The following MID1 variants were observed in gnomAD, a reference collection of about 807,000 sequenced individuals.
MID1 encodes the protein midline 1.
Under a neutral mutation model 40.4 loss-of-function variants are expected in MID1, and 7 were observed. The ratio of observed to expected loss-of-function variants is 0.17; its 90% confidence interval spans 0.10 to 0.33. MID1 has a LOEUF of 0.33. MID1 is among the 10% of genes least tolerant of loss of function. The pLI is 1.00. For synonymous variants in MID1, 229 were observed against 221.2 expected (o/e 1.04, Z -0.31); for missense variants, 367 against 558.5 (o/e 0.66, Z 3.46).
chrX:10,586,069 T>C (rs557072240), intron 1 of MID1, among the ~76,000 whole-genome samples: 1 of 111,552 alleles, frequency 9.0e-6, no homozygotes, highest in Middle Eastern at 4.6e-3. Flanking sequence ...ATCAGGTTGG[T>C]CATTTCCCGG....
At chrX:10,566,712 T>C (rs1428282422) in intron 2 of MID1, among the ~76,000 whole-genome samples, 176 bp downstream of exon 2, 1 of 111,732 alleles carries the variant, frequency 8.9e-6, no homozygotes, top group African/African-American at 3.3e-5. Flanking sequence ...AGTCAACTTT[T>C]ACAAGATACC....
intron 1 of MID1, among the ~76,000 whole-genome samples, chrX:10,698,738 A>G (rs2043176882): frequency 1.8e-5 from 2 of 110,070 alleles, no homozygotes; most frequent in African/African-American, 6.6e-5. Context: ...AAAGAAAAAA[A>G]AAAAAAAAAC....
chrX:10,776,774 C>T (rs1451609779), intron 1 of MID1, among the ~76,000 whole-genome samples: 2 of 110,538 alleles, frequency 1.8e-5, no homozygotes, highest in African/African-American at 3.3e-5. Flanking sequence ...AATGCATGAC[C>T]CAGTTTCTAA....
At chrX:10,807,138 G>A (rs1442597899) in intron 1 of MID1, among the ~76,000 whole-genome samples, 2 of 110,136 alleles carry the variant, frequency 1.8e-5, no homozygotes, top group East Asian at 2.9e-4. Context: ...CCAGCTACTC[G>A]GGAGGCTGAG....
intron 1 of MID1, among the ~76,000 whole-genome samples, chrX:10,583,152 A>G (rs1418104826): frequency 8.9e-6 from 1 of 111,905 alleles, no homozygotes; most frequent in African/African-American, 3.2e-5. Flanking sequence ...TCTAGGCAGC[A>G]GCAAATTGGT....
intron 3 of MID1, among the ~76,000 whole-genome samples, chrX:10,518,148 G>C (rs746477259): frequency 8.9e-6 from 1 of 112,016 alleles, no homozygotes; most frequent in Admixed American, 9.5e-5. Flanking sequence ...ACAGTCTCTA[G>C]AACAGAAAGT....
chrX:10,465,164 G>A (rs1217183142), intron 7 of MID1, among the ~76,000 whole-genome samples: 2 of 91,559 alleles, frequency 2.2e-5, no homozygotes, highest in African/African-American at 8.2e-5. Flanking sequence ...AGCCTGGGCA[G>A]CAGAGCAAGA....
rs188917905 is a variant in MID1, at chrX:10,656,349, C to A, written c.-186-35930G>T. ...ACTACAAAAGAACCTTCTCCTCCCT[C>A]CTCTTCAATGCCCACACCTGTCAGG... On this transcript the variant is annotated intron_variant, in intron 1 of 10. Transcript: ENST00000380785. Among the ~76,000 whole-genome samples the A allele has an allele frequency of 8.0e-5, 9 of 112,185 alleles. No individual in the cohort carries two copies. The East Asian group carries it at 2.5e-3, about 32-fold the overall frequency.
At chrX:10,513,790 T>G (rs1373225574) in intron 3 of MID1, among the ~76,000 whole-genome samples, 1 of 112,517 alleles carries the variant, frequency 8.9e-6, no homozygotes, top group Non-Finnish European at 1.9e-5. Context: ...ATTACAGGCG[T>G]GAGCCACTGT....
At position 10,469,776 on chromosome X, in the gene MID1, A is replaced by G. The variant is rs139714651; in HGVS notation, c.1206T>C (p.His402=). Residue 402 remains histidine (H), a synonymous_variant, in exon 7 of 10, where the codon CAT becomes CAC. Transcript: ENST00000317552. Reference sequence around the variant, plus strand: ...CGCTGAACTCATCATCGGAGGTCCAATGCACAGTGATGGTGTCATATGAAG... The same window carrying G: ...CGCTGAACTCATCATCGGAGGTCCAGTGCACAGTGATGGTGTCATATGAAG... ...CTASYDTITV[H]WTSDDEFSVV... is the part of the protein sequence containing the mutation. 1.6e-5 allele frequency: 19 copies of G among 1,208,946 alleles called. No homozygotes were observed. The highest frequency in any genetic ancestry group is 3.0e-5 in the East Asian group (1 of 33,760).
rs758281172 is a variant in MID1 at position 10,581,053 on chromosome X, A to G, written c.-56-13450T>C. 1.1e-4 allele frequency among the ~76,000 whole-genome samples: 12 copies of G among 110,318 alleles called. No individual in the cohort carries two copies. In the South Asian group the frequency reaches 4.8e-3, roughly 44 times the overall value. On this transcript the variant is annotated intron_variant, in intron 1 of 9. Transcript: ENST00000317552. ...CACCTGAGGTCAGGAGTTCGAGACC[A>G]GCCTGGCCAATGTAGTGAAACCTCA... is the stretch of plus-strand genomic sequence containing the variant.
At chrX:10,455,193 C>T (rs1331417158) in intron 8 of MID1, 116 bp from the exon 9 acceptor site, 16 of 582,706 alleles carry the variant, frequency 2.7e-5, no homozygotes, top group Admixed American at 5.2e-5. Flanking sequence ...CCAGCCCTCC[C>T]TGAGTCATGC....
At chrX:10,520,168 T>C (rs1932636551) in intron 3 of MID1, among the ~76,000 whole-genome samples, 1 of 111,671 alleles carries the variant, frequency 9.0e-6, no homozygotes, top group Non-Finnish European at 1.9e-5. Context: ...TTCAGAAAAA[T>C]TGTATTCGCA....
intron 1 of MID1, among the ~76,000 whole-genome samples, chrX:10,723,089 C>T (rs1471398248): frequency 1.8e-5 from 2 of 111,406 alleles, no homozygotes; most frequent in Non-Finnish European, 3.8e-5. Flanking sequence ...CCGAGAAGTA[C>T]TCTGCAAAAA....
At chrX:10,701,274 A>T (rs181252952) in intron 1 of MID1, among the ~76,000 whole-genome samples, 1 of 112,035 alleles carries the variant, frequency 8.9e-6, no homozygotes, top group East Asian at 2.8e-4. Context: ...AAGGCTGGTA[A>T]ATAGGACCCA....
At chrX:10,504,379 TG>T (rs1298545692) in intron 3 of MID1, among the ~76,000 whole-genome samples, 1 of 111,447 alleles carries the variant, frequency 9.0e-6, no homozygotes, top group African/African-American at 3.3e-5. Flanking sequence ...TAGACTGTGG[TG>T]AGAACTAAAT....
rs553081119 is a variant in MID1 at position 10,633,669 on chromosome X, G to T, written c.-186-13250C>A. On this transcript the variant is annotated intron_variant, in intron 1 of 10. Coordinates refer to the MID1 transcript ENST00000380785. Reference sequence around the variant, plus strand: ...GGGTCTCCCTATGCTGCTCAGGCTGGTCTCAAACTCCTGGGCTCAGGCAAT... The same window carrying T: ...GGGTCTCCCTATGCTGCTCAGGCTGTTCTCAAACTCCTGGGCTCAGGCAAT... 6.3e-5 allele frequency among the ~76,000 whole-genome samples: 7 copies of T among 110,949 alleles called. No individual in the cohort carries two copies. In the South Asian group the frequency reaches 1.6e-3, roughly 25 times the overall value.
intron 1 of MID1, among the ~76,000 whole-genome samples, chrX:10,705,335 T>C (rs1159889424): frequency 1.8e-5 from 2 of 112,042 alleles, no homozygotes; most frequent in African/African-American, 6.5e-5. Context: ...GAGACAACTA[T>C]GAAAACTGTA....
rs1928026953 is a variant in MID1 at position 10,446,103 on chromosome X, A to G, written c.*3265T>C. On this transcript the variant is annotated 3_prime_UTR_variant, in exon 10 of 10. Transcript: ENST00000317552. ...TTCCCTTCCCCGGCTGCGACAACCA[A>G]AAGTTGCCATTGCATTGCCAAATGT... 9.0e-6 allele frequency: 1 copy of G among 111,282 alleles called. No individual in the cohort carries two copies. The highest frequency in any genetic ancestry group is 9.5e-5 in the Admixed American group (1 of 10,505). The allele number at this position is 111,282 out of a possible 1,213,427, so 9.2% of individuals were successfully genotyped here.
Sources: allele counts gnomAD v4.1 joint callset (sites outside exome capture counted in the v4.1 genomes callset), GRCh38; gene constraint gnomAD v4.1.1; transcripts MANE v1.5; gene names NCBI Gene and HGNC (gene_info 2026-07-23, HGNC 2026-07-21).